Variants in EIF2AK2 observed in about 807,000 individuals in gnomAD.
EIF2AK2 encodes the protein eukaryotic translation initiation factor 2 alpha kinase 2.
Under a neutral mutation model 70.5 loss-of-function variants are expected in EIF2AK2, and 40 were observed. The ratio of observed to expected loss-of-function variants is 0.57; its 90% CI spans 0.44 to 0.74. The LOEUF (loss-of-function observed/expected upper bound fraction) is 0.74, where lower values mean the gene tolerates loss of function less well. Among genes scored for constraint, EIF2AK2 ranks in the 30% least tolerant of loss-of-function variants. The pLI, the probability that EIF2AK2 is intolerant of heterozygous loss-of-function variation, is 0.00. For missense variants in EIF2AK2, 555 were observed against 644.3 expected, an observed-to-expected ratio of 0.86 and a Z score of 1.50; for synonymous variants, 198 against 220.9, an observed-to-expected ratio of 0.90 and a Z score of 0.92.
intron 8 of EIF2AK2, among the ~76,000 whole-genome samples, chr2:37,137,392 T>C (rs567713195): frequency 2.6e-5 from 4 of 152,246 alleles, no homozygotes; most frequent in Admixed American, 6.5e-5. Flanking sequence ...AATACTCTTG[T>C]AACACTAATC....
rs566520708 is a variant in EIF2AK2, at chr2:37,101,076, T to C, written c.*6197A>G. On this transcript the variant is annotated 3_prime_UTR_variant, in exon 17 of 17. Transcript: ENST00000233057. ...ATTAGTTGCCAACTCCTCTTGGTTC[T>C]GTCCTCTTATTGTTCAGGCCCTCTT... 2 of 152,408 alleles carry C rather than the reference T, an allele frequency of 1.3e-5. No individual in the cohort carries two copies. The highest frequency in any genetic ancestry group is 1.3e-4 in the Admixed American group (2 of 15,306). The allele number at this position is 152,408 out of a possible 1,614,324, so 9.4% of individuals were successfully genotyped here. A position where few individuals can be genotyped will look rare whatever the true frequency, so the allele number is the denominator to read the frequency against.
intron 11 of EIF2AK2, among the ~76,000 whole-genome samples, chr2:37,124,610 C>G (rs951199558): frequency 1.3e-5 from 2 of 152,182 alleles, no homozygotes; most frequent in African/African-American, 2.4e-5. Context: ...GGGGACAGAA[C>G]AAAATATATA....
At chr2:37,121,039 G>A (rs1441467956) in intron 12 of EIF2AK2, among the ~76,000 whole-genome samples, 2 of 149,046 alleles carry the variant, frequency 1.3e-5, no homozygotes, top group Non-Finnish European at 3.0e-5. Flanking sequence ...CGAGGCGGGT[G>A]GATCACGAGG....
chr2:37,119,156 A>C (rs1674446064), intron 13 of EIF2AK2, among the ~76,000 whole-genome samples: 1 of 152,186 alleles, frequency 6.6e-6, no homozygotes, highest in African/African-American at 2.4e-5. Flanking sequence ...ACCTTCTGTC[A>C]TTTTAATGAG....
chr2:37,114,537 G>C (rs1414499919), intron 14 of EIF2AK2, among the ~76,000 whole-genome samples, 194 bp downstream of exon 14: 2 of 152,044 alleles, frequency 1.3e-5, no homozygotes, highest in South Asian at 2.1e-4. Context: ...GTGTTTGTAT[G>C]TTTTTATAAC....
intron 1 of EIF2AK2, among the ~76,000 whole-genome samples, chr2:37,156,551 T>A (rs1222718986): frequency 1.3e-5 from 2 of 152,174 alleles, no homozygotes; most frequent in Non-Finnish European, 2.9e-5. Flanking sequence ...TTTCCATGTG[T>A]CAAGCCACTA....
At chr2:37,111,931 C>CTA (rs1292916269) in intron 14 of EIF2AK2, among the ~76,000 whole-genome samples, 13 of 134,764 alleles carry the variant, frequency 9.6e-5, no homozygotes, top group Non-Finnish European at 2.0e-4. Flanking sequence ...ATCTCTCTCT[C>CTA]TCTCTCTCTA....
chr2:37,126,794 T>TA (rs1674744650), intron 10 of EIF2AK2, among the ~76,000 whole-genome samples: 1 of 151,512 alleles, frequency 6.6e-6, no homozygotes, highest in South Asian at 2.1e-4. Context: ...CCGTCTCTAC[T>TA]AAAAATACAA....
chr2:37,141,026 A>G (rs1675311994), intron 5 of EIF2AK2, among the ~76,000 whole-genome samples: 1 of 152,188 alleles, frequency 6.6e-6, no homozygotes, highest in African/African-American at 2.4e-5. Context: ...TTGAAACTCT[A>G]GTTCATCTGT....
rs1675269470 is a variant in EIF2AK2, at chr2:37,139,894, TG to T, written c.390-138del. The stretch of plus-strand genomic sequence containing the variant: ...TTAGATAGATTTATAGTTCATATCT[TG>T]CATAATTTAAACCCTCAGTAACATG... On this transcript the variant is annotated intron_variant, in intron 5 of 16. Transcript: ENST00000233057. The T allele has an allele frequency of 5.3e-6, 5 of 937,778 alleles. No individual in the cohort carries two copies. The South Asian group carries it at 9.6e-5, about 18-fold the overall frequency. 58.1% of individuals were successfully genotyped at this position (937,778 alleles called of 1,614,324 possible).
chr2:37,141,679 G>C lies in EIF2AK2; in HGVS notation c.263C>G (p.Thr88Arg). 1 of 1,612,884 alleles carries C rather than the reference G, an allele frequency of 6.2e-7. No individual in the cohort carries two copies. Among genetic ancestry groups the C allele is most frequent in the African/African-American group, 1.3e-5 (1 of 74,968 alleles). ...EKKAVSPLLL[T>R]TTNSSEGLSM... ...TAATCCTTCTGAAGAATTCGTTGTT[G>C]TCAATAATAAAGGACTAACTGCCTA... Residue 88 changes from threonine to arginine, a missense_variant, in exon 5 of 17, where the codon ACA becomes AGA. Physicochemically the swap from Thr to Arg is moderately conservative, Grantham distance 71. This residue lies in a region of EIF2AK2 where 208 missense variants were observed against 191.8 expected (regional missense o/e 1.08). Transcript: ENST00000233057.
At chr2:37,129,363 C>T (rs993067019) in intron 10 of EIF2AK2, among the ~76,000 whole-genome samples, 1 of 152,170 alleles carries the variant, frequency 6.6e-6, no homozygotes, top group Non-Finnish European at 1.5e-5. Context: ...CCATGCCCAA[C>T]TTGCAGTCTT....
At chr2:37,135,234 G>T (rs1277943431) in intron 10 of EIF2AK2, among the ~76,000 whole-genome samples, 9 of 152,038 alleles carry the variant, frequency 5.9e-5, no homozygotes, top group Non-Finnish European at 1.3e-4. Flanking sequence ...TTAAAGAAAG[G>T]GCTAAAAAGC....
chr2:37,140,605 C>CT (rs1396719183), intron 5 of EIF2AK2, among the ~76,000 whole-genome samples: 2 of 151,612 alleles, frequency 1.3e-5, no homozygotes, highest in Non-Finnish European at 2.9e-5. Flanking sequence ...ATACTGCCCC[C>CT]CCCCGCAAAC....
intron 10 of EIF2AK2, among the ~76,000 whole-genome samples, chr2:37,129,663 T>C (rs184995729): frequency 2.6e-5 from 4 of 152,288 alleles, no homozygotes; most frequent in East Asian, 1.9e-4. Context: ...TTTGTTTCTG[T>C]TGATGGAATG....
chr2:37,145,674 G>C (rs1675507464), intron 4 of EIF2AK2, among the ~76,000 whole-genome samples: 1 of 150,174 alleles, frequency 6.7e-6, no homozygotes, highest in South Asian at 2.1e-4. Flanking sequence ...CAAACTCAGG[G>C]CAACTTCCAG....
intron 13 of EIF2AK2, among the ~76,000 whole-genome samples, 186 bp from the exon 14 acceptor site, chr2:37,115,045 CTTTT>C (rs1183840580): frequency 7.2e-6 from 1 of 138,066 alleles, no homozygotes; most frequent in Non-Finnish European, 1.6e-5. Flanking sequence ...GTCAGGATTT[CTTTT>C]TTTTTTTTTT....
intron 13 of EIF2AK2, chr2:37,115,270 G>C (rs2148670100): frequency 6.6e-6 from 1 of 150,992 alleles, no homozygotes; most frequent in African/African-American, 2.8e-5. Context: ...CACCGTGTTA[G>C]CCAGGATGGT....
chr2:37,122,126 T>C (rs1366398067), intron 12 of EIF2AK2, among the ~76,000 whole-genome samples: 1 of 151,820 alleles, frequency 6.6e-6, no homozygotes, highest in Non-Finnish European at 1.5e-5. Flanking sequence ...AAAGTGTTGG[T>C]AGCTGAGGAG....
Sources: gnomAD v4.1 joint callset for allele counts (sites outside exome capture counted in the v4.1 genomes callset) on GRCh38, gnomAD v4.1.1 for gene constraint, gnomAD v4.1.1 regional missense constraint, MANE v1.5 for transcripts, NCBI Gene and HGNC (gene_info 2026-07-23, HGNC 2026-07-21) for gene names.